Variants in GSAP observed in about 807,000 individuals in gnomAD.
The protein encoded by GSAP is gamma-secretase-activating protein.
In GSAP, 118 loss-of-function variants were observed where a neutral mutation model predicts 131.7. The ratio of observed to expected loss-of-function variants is 0.90; its 90% CI spans 0.77 to 1.04. GSAP has a LOEUF of 1.04. Ranked by LOEUF, GSAP falls within the 50% of genes least tolerant of loss-of-function variation. The pLI is 0.00. For synonymous variants in GSAP, 381 were observed against 363.4 expected (o/e 1.05, Z -0.55); for missense variants, 1,019 against 1,013.2 (o/e 1.01, Z -0.08).
At position 77,311,312 on chromosome 7, in the gene GSAP, G is replaced by T; in HGVS notation, c.*46C>A. On this transcript the variant is annotated 3_prime_UTR_variant, in exon 31 of 31. Transcript: ENST00000257626. ...GAATTCTCAAAGGAGTAAGGTTAAT[G>T]AGCAAGATTAAAATGGCAGCAGCAG... 3 of 1,063,252 alleles carry T rather than the reference G, an allele frequency of 2.8e-6. No homozygotes were observed. Among genetic ancestry groups the T allele is most frequent in the South Asian group, 1.3e-5 (1 of 79,608 alleles). The allele number at this position is 1,063,252 out of a possible 1,614,324, so 65.9% of individuals were successfully genotyped here.
At chr7:77,338,755 T>C (rs944453589) in intron 19 of GSAP, among the ~76,000 whole-genome samples, 1 of 152,248 alleles carries the variant, frequency 6.6e-6, no homozygotes, top group African/African-American at 2.4e-5. Flanking sequence ...AACCATCACC[T>C]TGGGGGTCAG....
chr7:77,333,385 C>G lies in GSAP; in HGVS notation c.1546-3018G>C, dbSNP rs544462738. Among the ~76,000 whole-genome samples the G allele has an allele frequency of 2.0e-5, 3 of 152,124 alleles. No individual in the cohort carries two copies. In the East Asian group the frequency reaches 5.8e-4, roughly 29 times the overall value. ...ATCAGAGTCAACAGTACTTCATTCTCTATGGTGAAGACAATAGCCTCCAGC... is the reference window on the plus strand; with the variant it reads ...ATCAGAGTCAACAGTACTTCATTCTGTATGGTGAAGACAATAGCCTCCAGC... On this transcript the variant is annotated intron_variant, in intron 19 of 30. Transcript: ENST00000257626.
chr7:77,374,281 G>T, intron 11 of GSAP, 126 bp from the exon 12 acceptor site: 1 of 552,982 alleles, frequency 1.8e-6, no homozygotes, highest in Non-Finnish European at 3.2e-6. Flanking sequence ...AATTTAAGTA[G>T]ATAACTTTTT....
chr7:77,379,435 A>G (rs971739355), intron 8 of GSAP, among the ~76,000 whole-genome samples: 1 of 151,800 alleles, frequency 6.6e-6, no homozygotes, highest in Non-Finnish European at 1.5e-5. Flanking sequence ...CTAAGCCTTT[A>G]AGAATGAAGG....
chr7:77,383,191 T>C (rs1244522715), intron 6 of GSAP, among the ~76,000 whole-genome samples: 2 of 151,996 alleles, frequency 1.3e-5, no homozygotes, highest in African/African-American at 4.8e-5. Context: ...TGTCTAAAAA[T>C]AAAGTAAAAT....
At chr7:77,379,166 G>GGTAAAGGTAT (rs1485297082) in intron 8 of GSAP, among the ~76,000 whole-genome samples, 1 of 151,940 alleles carries the variant, frequency 6.6e-6, no homozygotes, top group African/African-American at 2.4e-5. Flanking sequence ...AACCGTTCCA[G>GGTAAAGGTAT]GTAAAGGTAT....
chr7:77,416,456 T>C, upstream of GSAP: 1 of 491,510 alleles, frequency 2.0e-6, no homozygotes, highest in African/African-American at 2.0e-5. Flanking sequence ...CTTTCGGTTC[T>C]GCAGCGCCCT....
chr7:77,383,998 A>T (rs2151051447), intron 6 of GSAP, among the ~76,000 whole-genome samples: 1 of 152,388 alleles, frequency 6.6e-6, no homozygotes, highest in African/African-American at 2.4e-5. Context: ...ATAAAGTCAA[A>T]ATTATAAAAT....
chr7:77,373,560 G>A (rs1441629445), intron 12 of GSAP, among the ~76,000 whole-genome samples: 3 of 152,090 alleles, frequency 2.0e-5, no homozygotes, highest in African/African-American at 7.2e-5. Context: ...CTCATCTTTA[G>A]GTATTTTTCT....
rs1802185210 is a variant in GSAP, at chr7:77,405,921, C to A, written c.186+108G>T. On this transcript the variant is annotated intron_variant, in intron 2 of 30. Transcript: ENST00000257626. ...AAGATTAAATGCCAACAAGTTTATT[C>A]ATTACCCTTCAATAAGATACAGTAT... The A allele has an allele frequency of 4.1e-5, 16 of 389,940 alleles. No individual in the cohort carries two copies. The South Asian group carries it at 5.7e-4, about 14-fold the overall frequency. 24.2% of individuals were successfully genotyped at this position (389,940 alleles called of 1,614,324 possible).
At chr7:77,369,460 T>C (rs2150965736) in intron 12 of GSAP, among the ~76,000 whole-genome samples, 1 of 152,348 alleles carries the variant, frequency 6.6e-6, no homozygotes, top group East Asian at 1.9e-4. Flanking sequence ...GCCGTCTTTA[T>C]TTCTTAGTGC....
chr7:77,406,008 TAAA>T lies in GSAP; in HGVS notation c.186+18_186+20del. The T allele has an allele frequency of 2.3e-6, 2 of 852,254 alleles. No individual in the cohort carries two copies. The highest frequency in any genetic ancestry group is 3.3e-6 in the Non-Finnish European group (2 of 603,858). The allele number at this position is 852,254 out of a possible 1,614,324, so 52.8% of individuals were successfully genotyped here. On this transcript the variant is annotated intron_variant, in intron 2 of 30. Transcript: ENST00000257626. ...CAGTAAATTTTACATCTTACCACAA[TAAA>T]AAAGAATATAGACATACCTTATAGG... is the stretch of plus-strand genomic sequence containing the variant.
At chr7:77,407,712 T>C (rs1440646629) in intron 1 of GSAP, among the ~76,000 whole-genome samples, 1 of 152,214 alleles carries the variant, frequency 6.6e-6, no homozygotes, top group Non-Finnish European at 1.5e-5. Flanking sequence ...ATTGGAAAAC[T>C]GGCAATATCT....
chr7:77,330,854 A>G, intron 19 of GSAP: 1 of 981,900 alleles, frequency 1.0e-6, no homozygotes, highest in Non-Finnish European at 1.2e-6. Flanking sequence ...AAAACCTAGG[A>G]ATCAAAAAAA....
intron 12 of GSAP, among the ~76,000 whole-genome samples, chr7:77,365,898 G>GTT (rs35007328): frequency 8.1e-4 from 94 of 115,580 alleles, no homozygotes; most frequent in Admixed American, 1.4e-3. Flanking sequence ...GCAACTGTGG[G>GTT]TTTTTTTTTT....
intron 12 of GSAP, among the ~76,000 whole-genome samples, chr7:77,369,930 G>A (rs1021875829): frequency 6.6e-6 from 1 of 151,624 alleles, no homozygotes; most frequent in East Asian, 1.9e-4. Flanking sequence ...AGCTGATTGT[G>A]AAGAGTGAAG....
intron 10 of GSAP, among the ~76,000 whole-genome samples, chr7:77,376,552 G>A (rs1016831831): frequency 6.6e-6 from 1 of 152,066 alleles, no homozygotes; most frequent in Non-Finnish European, 1.5e-5. Context: ...GAGGCAGGTG[G>A]ATCACGAGGT....
Position 77,360,877 on chromosome 7 carries a change from GA to G in GSAP, c.973del (p.Ser325LeufsTer9). 6.2e-7 allele frequency: 1 copy of G among 1,602,080 alleles called. No individual in the cohort carries two copies. The highest frequency in any genetic ancestry group is 8.6e-7 in the Non-Finnish European group (1 of 1,169,348). ...CATGTGTGACCCAACATTCTCAAGA[GA>G]AGTGGTGAAGGTCTTGCTGTGTCCT... ...HKGHSKTFTT[S>X]LENVGSHMTK... On this transcript the variant is annotated frameshift_variant, in exon 14 of 31. Coordinates refer to ENST00000257626, the MANE Select transcript of GSAP (RefSeq NM_017439.4). LOFTEE classifies it high-confidence loss of function.
chr7:77,314,155 G>A (rs928518232), intron 27 of GSAP, among the ~76,000 whole-genome samples: 15 of 152,210 alleles, frequency 9.9e-5, no homozygotes, highest in Admixed American at 3.3e-4. Context: ...AGGACCAGCT[G>A]TATAATTTGT....
Sources: gnomAD v4.1 joint callset for allele counts (sites outside exome capture counted in the v4.1 genomes callset) on GRCh38, gnomAD v4.1.1 for gene constraint, MANE v1.5 for transcripts, NCBI Gene and HGNC (gene_info 2026-07-23, HGNC 2026-07-21) for gene names.